The following RBFOX1 variants were observed in gnomAD, a reference collection of about 807,000 sequenced individuals.
RBFOX1 encodes RNA binding protein fox-1 homolog 1.
Under a neutral mutation model 57.7 loss-of-function variants are expected in RBFOX1, and 8 were observed. The ratio of observed to expected loss-of-function variants is 0.14; its 90% CI spans 0.08 to 0.25. The LOEUF is 0.25. RBFOX1 is among the 10% of genes least tolerant of loss of function. RBFOX1 has a pLI of 1.00. For missense variants in RBFOX1, 611 were observed against 548.5 expected, an observed-to-expected ratio of 1.11 and a Z score of -1.14; for synonymous variants, 326 against 222.4, an observed-to-expected ratio of 1.47 and a Z score of -4.15.
chr16:6,617,108 A>T (rs904903716), intron 2 of RBFOX1, among the ~76,000 whole-genome samples: 170 of 152,174 alleles, frequency 1.1e-3, no homozygotes, highest in African/African-American at 3.7e-3. Flanking sequence ...CACCACGAAG[A>T]GTTTTGGAAG....
intron 3 of RBFOX1, among the ~76,000 whole-genome samples, chr16:6,967,250 C>T (rs539965958): frequency 2.6e-5 from 4 of 152,016 alleles, no homozygotes; most frequent in Non-Finnish European, 5.9e-5. Flanking sequence ...CATCTACCAT[C>T]TGTCTGTCTG....
chr16:5,246,581 A>G (rs1207020829), intron 1 of RBFOX1, among the ~76,000 whole-genome samples: 1 of 152,102 alleles, frequency 6.6e-6, no homozygotes, highest in Non-Finnish European at 1.5e-5. Flanking sequence ...TAAAAATGAC[A>G]TTCTGTGTCC....
At chr16:7,663,717 A>C (rs2068407190) in intron 12 of RBFOX1, among the ~76,000 whole-genome samples, 1 of 152,160 alleles carries the variant, frequency 6.6e-6, no homozygotes, top group African/African-American at 2.4e-5. Context: ...ATGGGAAGGT[A>C]TCGGGGAAGA....
At chr16:7,403,376 C>T (rs2098276659) in intron 4 of RBFOX1, among the ~76,000 whole-genome samples, 1 of 152,164 alleles carries the variant, frequency 6.6e-6, no homozygotes. Context: ...TGACTAACAT[C>T]TCCCCATTCC....
At chr16:6,962,612 C>T (rs74008488) in intron 3 of RBFOX1, among the ~76,000 whole-genome samples, 4,577 of 152,204 alleles carry the variant, frequency 0.03, 243 homozygotes, top group African/African-American at 0.1. Context: ...TACCTATAAT[C>T]CCAGGGCTTT....
intron 1 of RBFOX1, among the ~76,000 whole-genome samples, chr16:6,233,492 C>G (rs2097481706): frequency 6.6e-6 from 1 of 152,108 alleles, no homozygotes; most frequent in Non-Finnish European, 1.5e-5. Context: ...ACAGGGAGTT[C>G]ACATTGCTCT....
At chr16:7,455,597 G>C (rs537849376) in intron 4 of RBFOX1, among the ~76,000 whole-genome samples, 49 of 151,786 alleles carry the variant, frequency 3.2e-4, no homozygotes, top group Non-Finnish European at 1.5e-5. Context: ...TTCGAGACCA[G>C]CCTAGGCAAC....
chr16:5,651,424 G>A (rs79452079), intron 3 of RBFOX1, among the ~76,000 whole-genome samples: 5,117 of 152,150 alleles, frequency 0.034, 108 homozygotes, highest in Non-Finnish European at 0.05. Flanking sequence ...ACAGGCGAGT[G>A]TCTCTGCTGC....
chr16:5,892,627 C>T (rs182853586), intron 4 of RBFOX1, among the ~76,000 whole-genome samples: 33 of 152,250 alleles, frequency 2.2e-4, no homozygotes, highest in Middle Eastern at 3.4e-3. Flanking sequence ...GAATGCATCG[C>T]GGAATCTTGT....
At chr16:7,284,320 T>C (rs914636404) in intron 4 of RBFOX1, among the ~76,000 whole-genome samples, 3 of 152,084 alleles carry the variant, frequency 2.0e-5, no homozygotes, top group African/African-American at 4.8e-5. Flanking sequence ...GAGAAGTATG[T>C]TTATGTTTAA....
At chr16:6,964,761 C>T (rs1487739833) in intron 3 of RBFOX1, among the ~76,000 whole-genome samples, 3 of 152,164 alleles carry the variant, frequency 2.0e-5, no homozygotes, top group African/African-American at 4.8e-5. Flanking sequence ...GTTGGAGAGC[C>T]TTTAAGAACT....
At chr16:6,695,951 A>T (rs1203632345) in intron 3 of RBFOX1, among the ~76,000 whole-genome samples, 3 of 152,298 alleles carry the variant, frequency 2.0e-5, no homozygotes, top group East Asian at 1.9e-4. Context: ...TTATAACCAC[A>T]TTGCAATAAG....
chr16:5,346,190 C>T (rs1528325), intron 1 of RBFOX1, among the ~76,000 whole-genome samples: 129,867 of 152,004 alleles, frequency 0.85, 58,169 homozygotes, highest in East Asian at 1. Context: ...CTACAGCGGA[C>T]CCTTACTATG....
At chr16:5,633,455 C>T (rs1490277868) in intron 3 of RBFOX1, among the ~76,000 whole-genome samples, 3 of 152,134 alleles carry the variant, frequency 2.0e-5, no homozygotes, top group Non-Finnish European at 2.9e-5. Flanking sequence ...ACTGGAGCAA[C>T]GACTCTCTAC....
intron 4 of RBFOX1, among the ~76,000 whole-genome samples, chr16:7,473,931 C>G (rs1251467364): frequency 2.0e-5 from 3 of 152,156 alleles, no homozygotes; most frequent in East Asian, 3.9e-4. Flanking sequence ...ACCTTTTGAA[C>G]TCTACCTATT....
intron 4 of RBFOX1, among the ~76,000 whole-genome samples, chr16:7,338,562 A>G (rs2096836195): frequency 6.6e-6 from 1 of 152,098 alleles, no homozygotes; most frequent in Non-Finnish European, 1.5e-5. Context: ...CTTTTTTAAA[A>G]AAAATTCTTT....
At chr16:6,027,239 T>C (rs1266638077) in intron 1 of RBFOX1, among the ~76,000 whole-genome samples, 1 of 152,182 alleles carries the variant, frequency 6.6e-6, no homozygotes, top group East Asian at 1.9e-4. Context: ...TTTCATTAAC[T>C]CTTCATGGCA....
chr16:5,395,586 T>C (rs941092550), intron 1 of RBFOX1, among the ~76,000 whole-genome samples: 1 of 152,328 alleles, frequency 6.6e-6, no homozygotes, highest in East Asian at 1.9e-4. Flanking sequence ...GGTGGAGACG[T>C]TCAGGTGGTC....
intron 1 of RBFOX1, among the ~76,000 whole-genome samples, chr16:6,049,924 C>T (rs2152433326): frequency 6.6e-6 from 1 of 150,660 alleles, no homozygotes; most frequent in Admixed American, 6.6e-5. Flanking sequence ...CTTTAAAAGG[C>T]CATTTTACTC....
Sources: allele counts gnomAD v4.1 joint callset (sites outside exome capture counted in the v4.1 genomes callset), GRCh38; gene constraint gnomAD v4.1.1; transcripts MANE v1.5; gene names NCBI Gene and HGNC (gene_info 2026-07-23, HGNC 2026-07-21).